TGDS: variants seen among roughly 807,000 people sequenced by gnomAD.
TGDS encodes the protein TDP-glucose 4,6-dehydratase.
TGDS carries 47 observed loss-of-function variants against 52.3 expected under a neutral mutation model. That is an observed-to-expected ratio of 0.90 (90% confidence interval 0.71 to 1.15). The LOEUF (loss-of-function observed/expected upper bound fraction) is 1.15, where lower values mean the gene tolerates loss of function less well. Ranked by LOEUF, TGDS falls within the 50% of genes most tolerant of loss-of-function variation. The probability of loss-of-function intolerance (pLI) is 0.00; values close to 1 mark genes in which losing one functional copy is unlikely to be tolerated. For missense variants in TGDS, 375 were observed against 418.4 expected (o/e 0.90, Z 0.90); for synonymous variants, 115 against 136.9 (o/e 0.84, Z 1.12).
chr13:94,590,312 C>T (rs1889152795), intron 4 of TGDS, among the ~76,000 whole-genome samples: 1 of 150,756 alleles, frequency 6.6e-6, no homozygotes, highest in Non-Finnish European at 1.5e-5. Context: ...TAGACAAAAG[C>T]AAAGGAAATT....
chr13:94,574,727 G>T lies in TGDS; in HGVS notation c.*55C>A. ...TTGGTCACTTAATTTCATACCACTTGGCGAGGTAGGATAACTTTCTTCTTT... is the reference window on the plus strand; with the variant it reads ...TTGGTCACTTAATTTCATACCACTTTGCGAGGTAGGATAACTTTCTTCTTT... On this transcript the variant is annotated 3_prime_UTR_variant, in exon 12 of 12. Transcript: ENST00000261296. The T allele has an allele frequency of 1.9e-6, 2 of 1,073,244 alleles. No individual in the cohort carries two copies. The highest frequency in any genetic ancestry group is 1.3e-5 in the South Asian group (1 of 74,102). The allele number at this position is 1,073,244 out of a possible 1,614,324, so 66.5% of individuals were successfully genotyped here. A position where few individuals can be genotyped will look rare whatever the true frequency, so the allele number is the denominator to read the frequency against.
rs1167558041 is a variant in TGDS, at chr13:94,578,731, A to G, written c.658T>C (p.Cys220Arg). The change falls in exon 8 of 12, where the codon TGT (cysteine) becomes CGT (arginine). Residue 220 changes from cysteine (C) to arginine (R), a missense_variant and splice_region_variant. Coordinates refer to ENST00000261296, the MANE Select transcript of TGDS (RefSeq NM_014305.4). The stretch of plus-strand genomic sequence containing the variant: ...GGTAAAAAGGTAATAATAACATACC[A>G]TTTCCTGTTGTGCTGTAGCAAAGAT... Reference protein sequence around the residue: ...FISLLQHNRKCCIHGSGLQTR... With the variant: ...FISLLQHNRKRCIHGSGLQTR... The G allele has an allele frequency of 1.3e-6, 2 of 1,531,808 alleles. No individual in the cohort carries two copies. The highest frequency in any genetic ancestry group is 3.5e-5 in the Admixed American group (2 of 57,522). 94.9% of individuals were successfully genotyped at this position (1,531,808 alleles called of 1,614,324 possible). A position where few individuals can be genotyped will look rare whatever the true frequency, so the allele number is the denominator to read the frequency against.
intron 4 of TGDS, among the ~76,000 whole-genome samples, chr13:94,583,752 T>C (rs1004289095): frequency 1.3e-5 from 2 of 151,980 alleles, no homozygotes; most frequent in African/African-American, 4.8e-5. Flanking sequence ...TTTTGCATGG[T>C]TAAAAAACTA....
chr13:94,592,823 A>AG (rs1451626123), intron 2 of TGDS, among the ~76,000 whole-genome samples: 1 of 152,176 alleles, frequency 6.6e-6, no homozygotes, highest in Non-Finnish European at 1.5e-5. Context: ...GTACCAAAAA[A>AG]CAAAACAAAA....
Position 94,593,875 on chromosome 13 carries a change from T to C in TGDS, c.119A>G (p.Asp40Gly), listed in dbSNP as rs1280468078. Reference protein sequence around the residue: ...ASHMIVSLVEDYPNYMIINLD... With the variant: ...ASHMIVSLVEGYPNYMIINLD... ...ATTTATGATCATATAGTTTGGATAA[T>C]CTTCCACTAAAGAGACAATCATATG... Residue 40 changes from aspartate to glycine, a missense_variant, in exon 2 of 12, where the codon GAT becomes GGT. Physicochemically the swap from Asp to Gly is moderately conservative, Grantham distance 94 (BLOSUM62 -1). Coordinates refer to ENST00000261296, the MANE Select transcript of TGDS (RefSeq NM_014305.4). 5 of 1,584,492 alleles carry C rather than the reference T, an allele frequency of 3.2e-6. No individual in the cohort carries two copies. In the African/African-American group the frequency reaches 5.4e-5, roughly 17 times the overall value.
intron 4 of TGDS, among the ~76,000 whole-genome samples, chr13:94,586,062 A>G: frequency 6.6e-6 from 1 of 152,154 alleles, no homozygotes; most frequent in East Asian, 1.9e-4. Context: ...TTTTTAAAAT[A>G]AACAATTTTT....
In TGDS at chr13:94,580,172, C is replaced by A. The variant is rs570139175; in HGVS notation, c.556-219G>T. ...TTCCAAAAGAAAGAAGAGGAATATT[C>A]TTTTATTAGTACAAGAAGATAAACA... On this transcript the variant is annotated intron_variant, in intron 6 of 11. Coordinates refer to ENST00000261296, the MANE Select transcript of TGDS (RefSeq NM_014305.4). Among the ~76,000 whole-genome samples, 549 of 152,188 alleles carry A rather than the reference C, an allele frequency of 3.6e-3. 2 individuals carry two copies. The highest frequency in any genetic ancestry group is 5.4e-3 in the Non-Finnish European group (369 of 67,986).
At chr13:94,578,339 T>C (rs979468105) in intron 8 of TGDS, among the ~76,000 whole-genome samples, 169 bp from the exon 9 acceptor site, 3 of 151,626 alleles carry the variant, frequency 2.0e-5, no homozygotes, top group Non-Finnish European at 2.9e-5. Flanking sequence ...TATTTCTTAA[T>C]CTCCAAACCT....
Position 94,578,787 on chromosome 13 carries a change from T to C in TGDS, c.616-14A>G, listed in dbSNP as rs772601752. On this transcript the variant is annotated splice_polypyrimidine_tract_variant and intron_variant, in intron 7 of 11. Coordinates refer to ENST00000261296, the MANE Select transcript of TGDS (RefSeq NM_014305.4). Reference sequence around the variant, plus strand: ...TTTTGGAATAACCTAAAAGAATATTTAAATATCATTTCAGACTGGATATTT... The same window carrying C: ...TTTTGGAATAACCTAAAAGAATATTCAAATATCATTTCAGACTGGATATTT... 1 of 1,445,134 alleles carries C rather than the reference T, an allele frequency of 6.9e-7. No homozygotes were observed. The highest frequency in any genetic ancestry group is 9.7e-7 in the Non-Finnish European group (1 of 1,034,194). The allele number at this position is 1,445,134 out of a possible 1,614,324, so 89.5% of individuals were successfully genotyped here. A position where few individuals can be genotyped will look rare whatever the true frequency, so the allele number is the denominator to read the frequency against.
At chr13:94,591,795 G>A (rs1475627855) in intron 3 of TGDS, among the ~76,000 whole-genome samples, 1 of 152,182 alleles carries the variant, frequency 6.6e-6, no homozygotes, top group African/African-American at 2.4e-5. Flanking sequence ...TTTAAGTTTT[G>A]TAGTTAAAAA....
rs1889286291 is a variant in TGDS at position 94,593,856 on chromosome 13, G to A, written c.138C>T (p.Ile46=). The A allele has an allele frequency of 6.4e-7, 1 of 1,573,644 alleles. No homozygotes were observed. Among genetic ancestry groups the A allele is most frequent in the Non-Finnish European group, 8.6e-7 (1 of 1,156,526 alleles). The change falls in exon 2 of 12, where the codon ATC becomes ATT. Residue 46 remains isoleucine, a synonymous_variant. Transcript: ENST00000261296. ...TAAAACTCACCTTGTCTAGATTTAT[G>A]ATCATATAGTTTGGATAATCTTCCA... ...SLVEDYPNYM[I]INLDKLDYCA... is the part of the protein sequence containing the mutation.
intron 4 of TGDS, among the ~76,000 whole-genome samples, chr13:94,590,545 C>G (rs1889159646): frequency 6.6e-6 from 1 of 151,890 alleles, no homozygotes; most frequent in Admixed American, 6.6e-5. Flanking sequence ...ATCTGCATAC[C>G]CACAACAAAA....
intron 2 of TGDS, among the ~76,000 whole-genome samples, chr13:94,592,883 G>C (rs1051866065): frequency 6.6e-6 from 1 of 152,156 alleles, no homozygotes; most frequent in Non-Finnish European, 1.5e-5. Flanking sequence ...CTAGCTGGGG[G>C]TGGTGGCTCA....
intron 4 of TGDS, among the ~76,000 whole-genome samples, chr13:94,587,383 C>G (rs1889030041): frequency 6.6e-6 from 1 of 151,954 alleles, no homozygotes; most frequent in Admixed American, 6.6e-5. Context: ...TTTTTTGGAA[C>G]AACAGGGTGG....
chr13:94,596,253 G>A (rs1246771139), upstream of TGDS: 2 of 1,173,864 alleles, frequency 1.7e-6, no homozygotes, highest in East Asian at 5.2e-5. Flanking sequence ...AGAGCAGCCA[G>A]AGGCAGCTTC....
intron 10 of TGDS, 138 bp from the exon 11 acceptor site, chr13:94,576,549 A>C (rs543443819): frequency 4.1e-6 from 2 of 482,320 alleles, no homozygotes; most frequent in Non-Finnish European, 6.8e-6. Context: ...TTTTCTGCAG[A>C]AAGTCTGTAA....
At chr13:94,583,278 G>A (rs201997327) in intron 4 of TGDS, 42 bp from the exon 5 acceptor site, 59 of 1,588,594 alleles carry the variant, frequency 3.7e-5, no homozygotes, top group African/African-American at 3.4e-4. Context: ...TCTACCCAAC[G>A]GATAAAACAA....
intron 1 of TGDS, 106 bp from the exon 2 acceptor site, chr13:94,594,013 T>A: frequency 1.5e-6 from 1 of 658,742 alleles, no homozygotes. Context: ...AAGATAACTT[T>A]AATTTTTTCT....
chr13:94,596,195 T>G, upstream of TGDS: 1 of 1,556,064 alleles, frequency 6.4e-7, no homozygotes, highest in Non-Finnish European at 8.7e-7. Context: ...CGCAGGGAAG[T>G]TCCGCCGCGA....
Sources: allele counts gnomAD v4.1 joint callset (sites outside exome capture counted in the v4.1 genomes callset), GRCh38; gene constraint gnomAD v4.1.1; transcripts MANE v1.5; gene names NCBI Gene and HGNC (gene_info 2026-07-23, HGNC 2026-07-21).